The following RPAP3 variants were observed in gnomAD, a reference collection of about 807,000 sequenced individuals.
RPAP3 encodes the protein RNA polymerase II-associated protein 3.
Under a neutral mutation model 88.8 loss-of-function variants are expected in RPAP3, and 58 were observed. That is an observed-to-expected ratio of 0.65 (90% CI 0.53 to 0.81). The LOEUF (loss-of-function observed/expected upper bound fraction) is 0.81. Ranked by LOEUF, RPAP3 falls within the 40% of genes least tolerant of loss-of-function variation. The pLI is 0.00. For missense variants in RPAP3, 751 were observed against 764.3 expected (o/e 0.98, Z 0.20); for synonymous variants, 255 against 259.9 (o/e 0.98, Z 0.18).
chr12:47,701,537 T>G lies in RPAP3; in HGVS notation c.221A>C (p.Lys74Thr). 6.2e-7 allele frequency: 1 copy of G among 1,606,246 alleles called. No homozygotes were observed. The highest frequency in any genetic ancestry group is 8.5e-7 in the Non-Finnish European group (1 of 1,176,782). ...TTTTGTGTTTTCCTCTCTGGTTTTT[T>G]TGGAAGACTCTTTAGCTTTGCCTTT... is the stretch of plus-strand genomic sequence containing the variant. Reference protein sequence around the residue: ...KKKGKAKESSKKTREENTKNR... With the variant: ...KKKGKAKESSTKTREENTKNR... The change falls in exon 3 of 17, where the codon AAA (lysine) becomes ACA (threonine). Residue 74 changes from lysine to threonine, a missense_variant. By Grantham distance (78) the Lys-to-Thr change is moderately conservative (BLOSUM62 -1). Transcript: ENST00000005386.
At chr12:47,666,938 A>G (rs768562472) in intron 16 of RPAP3, 42 bp downstream of exon 16, 1 of 981,268 alleles carries the variant, frequency 1.0e-6, no homozygotes, top group African/African-American at 1.7e-5. Flanking sequence ...TGAATACAGG[A>G]ATGTACAAAA....
chr12:47,667,197 G>A (rs1938893093), intron 15 of RPAP3, 117 bp from the exon 16 acceptor site: 1 of 393,680 alleles, frequency 2.5e-6, no homozygotes, highest in African/African-American at 2.1e-5. Context: ...TTTTTCCCCT[G>A]GATACCTGTA....
intron 9 of RPAP3, among the ~76,000 whole-genome samples, chr12:47,682,161 T>C (rs999623412): frequency 2.0e-5 from 3 of 152,182 alleles, no homozygotes; most frequent in Non-Finnish European, 4.4e-5. Context: ...CATTAGAATT[T>C]TGACTGGCAT....
At chr12:47,692,924 G>A (rs566848053) in intron 5 of RPAP3, among the ~76,000 whole-genome samples, 97 of 152,266 alleles carry the variant, frequency 6.4e-4, no homozygotes, top group Non-Finnish European at 1.2e-4. Flanking sequence ...CTCTCGCCCC[G>A]GCTGGAGTGC....
Position 47,668,927 on chromosome 12 carries a change from G to C in RPAP3, c.1702C>G (p.Gln568Glu), listed in dbSNP as rs762193325. ...QLKSSPDMLY[Q>E]YLKQIEPSLY... ...TTCCTCTCTCTTACCTTTAAATACT[G>C]ATACAACATATCTGGAGAACTTTTC... is the stretch of plus-strand genomic sequence containing the variant. The change falls in exon 14 of 17, where the codon CAG becomes GAG. Residue 568 changes from glutamine (Q) to glutamate (E), a missense_variant. Transcript: ENST00000005386. 6.2e-7 allele frequency: 1 copy of C among 1,612,662 alleles called. No individual in the cohort carries two copies. Among genetic ancestry groups the C allele is most frequent in the Non-Finnish European group, 8.5e-7 (1 of 1,178,756 alleles).
intron 12 of RPAP3, among the ~76,000 whole-genome samples, chr12:47,673,606 ACTTC>A (rs1939045419): frequency 6.6e-6 from 1 of 152,118 alleles, no homozygotes; most frequent in African/African-American, 2.4e-5. Context: ...ACCTCCTCTG[ACTTC>A]CTTATGAAAT....
intron 1 of RPAP3, among the ~76,000 whole-genome samples, chr12:47,705,100 G>A (rs1316096813): frequency 2.0e-5 from 3 of 152,126 alleles, no homozygotes; most frequent in Admixed American, 2.0e-4. Flanking sequence ...TGGGGAAAAA[G>A]CAACAAAGTA....
rs1242180754 is a variant in RPAP3 at position 47,701,561 on chromosome 12, T to G, written c.197A>C (p.Lys66Thr). 2.5e-6 allele frequency: 4 copies of G among 1,595,490 alleles called. No homozygotes were observed. In the East Asian group the frequency reaches 6.8e-5, roughly 27 times the overall value. ...TTTGGAAGACTCTTTAGCTTTGCCT[T>G]TCTTCTTTTTCCTAAAATTCCCATT... The part of the protein sequence containing the change: ...IRNGNFRKKK[K>T]GKAKESSKKT... The change falls in exon 3 of 17, where the codon AAA becomes ACA. Residue 66 changes from lysine to threonine, a missense_variant. Physicochemically the swap from Lys to Thr is moderately conservative, Grantham distance 78 (BLOSUM62 -1). Coordinates refer to ENST00000005386, the MANE Select transcript of RPAP3 (RefSeq NM_024604.3).
intron 9 of RPAP3, among the ~76,000 whole-genome samples, chr12:47,685,973 A>G (rs1939313419): frequency 6.6e-6 from 1 of 152,222 alleles, no homozygotes; most frequent in Non-Finnish European, 1.5e-5. Context: ...TCAAAACTAT[A>G]TTTTGATATA....
Position 47,696,406 on chromosome 12 carries a change from G to C in RPAP3, c.418-3C>G. 6.5e-7 allele frequency: 1 copy of C among 1,549,896 alleles called. No individual in the cohort carries two copies. Among genetic ancestry groups the C allele is most frequent in the Non-Finnish European group, 8.7e-7 (1 of 1,145,680 alleles). ...CCTTGTTTGAAGTATTTATTGCCCT[G>C]AAAGAAAATTATATAAAATGATCTT... On this transcript the variant is annotated splice_region_variant and splice_polypyrimidine_tract_variant and intron_variant, in intron 4 of 16. Coordinates refer to ENST00000005386, the MANE Select transcript of RPAP3 (RefSeq NM_024604.3).
chr12:47,692,080 T>G (rs938110231), intron 5 of RPAP3, among the ~76,000 whole-genome samples: 1 of 152,234 alleles, frequency 6.6e-6, no homozygotes, highest in East Asian at 1.9e-4. Flanking sequence ...TAAATAGATG[T>G]CATCCAGACT....
At chr12:47,689,712 G>A (rs763484929) in intron 6 of RPAP3, among the ~76,000 whole-genome samples, 6 of 152,104 alleles carry the variant, frequency 3.9e-5, no homozygotes, top group Non-Finnish European at 5.9e-5. Context: ...ACCAGCCCCA[G>A]GAAGGATACC....
intron 3 of RPAP3, 58 bp downstream of exon 3, chr12:47,701,406 G>C: frequency 1.5e-6 from 2 of 1,335,974 alleles, no homozygotes; most frequent in Non-Finnish European, 2.0e-6. Context: ...ATGATTATCA[G>C]CTAACTCCCA....
chr12:47,702,084 A>G (rs921464254), intron 2 of RPAP3, among the ~76,000 whole-genome samples: 2 of 152,346 alleles, frequency 1.3e-5, no homozygotes, highest in South Asian at 4.1e-4. Flanking sequence ...ATAACTACAC[A>G]TATTATTTTT....
At chr12:47,693,892 A>G (rs1461309064) in intron 5 of RPAP3, among the ~76,000 whole-genome samples, 3 of 152,378 alleles carry the variant, frequency 2.0e-5, no homozygotes, top group Admixed American at 6.5e-5. Flanking sequence ...GACCTACCAA[A>G]CACAGATGCA....
At chr12:47,674,201 G>C (rs1939062197) in intron 12 of RPAP3, among the ~76,000 whole-genome samples, 1 of 151,940 alleles carries the variant, frequency 6.6e-6, no homozygotes. Context: ...CTCCCAGCGT[G>C]ATCAACGCAG....
intron 5 of RPAP3, among the ~76,000 whole-genome samples, chr12:47,694,170 T>G: frequency 6.6e-6 from 1 of 152,196 alleles, no homozygotes; most frequent in East Asian, 1.9e-4. Flanking sequence ...ACACTAAATA[T>G]TAAGACTTAC....
rs558659343 is a variant in RPAP3 at position 47,662,434 on chromosome 12, T to C, written c.*1071A>G. Reference sequence around the variant, plus strand: ...TTATGATTACTTCTCAAACAATTCATAAGAATAGTAATATGTATAATGGCA... The same window carrying C: ...TTATGATTACTTCTCAAACAATTCACAAGAATAGTAATATGTATAATGGCA... On this transcript the variant is annotated 3_prime_UTR_variant, in exon 17 of 17. Transcript: ENST00000005386. 3.9e-5 allele frequency: 6 copies of C among 152,276 alleles called. No homozygotes were observed. In the East Asian group the frequency reaches 1.2e-3, roughly 29 times the overall value. 9.4% of individuals were successfully genotyped at this position (152,276 alleles called of 1,614,324 possible). A position where few individuals can be genotyped will look rare whatever the true frequency, so the allele number is the denominator to read the frequency against.
At chr12:47,677,002 T>C (rs1459019961) in intron 12 of RPAP3, among the ~76,000 whole-genome samples, 1 of 152,214 alleles carries the variant, frequency 6.6e-6, no homozygotes, top group East Asian at 1.9e-4. Flanking sequence ...AATAAAATAC[T>C]GGCAAACCGA....
Sources: allele counts gnomAD v4.1 joint callset (sites outside exome capture counted in the v4.1 genomes callset), GRCh38; gene constraint gnomAD v4.1.1; transcripts MANE v1.5; gene names NCBI Gene and HGNC (gene_info 2026-07-23, HGNC 2026-07-21).